Variants in SH3PXD2A observed in about 807,000 individuals in gnomAD.
The protein encoded by SH3PXD2A is SH3 and PX domain-containing protein 2A.
SH3PXD2A carries 32 observed loss-of-function variants against 115.2 expected under a neutral mutation model. The observed-to-expected ratio is 0.28, with a 90% CI of 0.21 to 0.37. The LOEUF (loss-of-function observed/expected upper bound fraction) is 0.37, where lower values mean the gene tolerates loss of function less well. SH3PXD2A is among the 10% of genes least tolerant of loss of function. SH3PXD2A has a pLI of 1.00. For synonymous variants in SH3PXD2A, 610 were observed against 629.1 expected, an observed-to-expected ratio of 0.97 and a Z score of 0.45; for missense variants, 1,328 against 1,498.7, an observed-to-expected ratio of 0.89 and a Z score of 1.88.
intron 6 of SH3PXD2A, among the ~76,000 whole-genome samples, chr10:103,669,535 A>T (rs562114131): frequency 2.0e-5 from 3 of 152,370 alleles, no homozygotes; most frequent in Non-Finnish European, 4.4e-5. Flanking sequence ...CCATGTCAAA[A>T]GCATTGATGC....
At chr10:103,822,573 T>C (rs993807887) in intron 1 of SH3PXD2A, among the ~76,000 whole-genome samples, 1 of 152,242 alleles carries the variant, frequency 6.6e-6, no homozygotes, top group Admixed American at 6.5e-5. Flanking sequence ...CTTTCATGCC[T>C]GTTAACGAGG....
intron 1 of SH3PXD2A, among the ~76,000 whole-genome samples, chr10:103,854,917 T>C (rs1486832233): frequency 6.6e-6 from 1 of 151,896 alleles, no homozygotes; most frequent in African/African-American, 2.4e-5. Flanking sequence ...CCACCATCCA[T>C]CAAAGGCGGA....
chr10:103,634,676 C>T (rs1411292137), intron 8 of SH3PXD2A, among the ~76,000 whole-genome samples: 1 of 152,144 alleles, frequency 6.6e-6, no homozygotes, highest in Admixed American at 6.5e-5. Flanking sequence ...TGTATGTGCA[C>T]ACCATGAGGA....
Position 103,660,999 on chromosome 10 carries a change from G to T in SH3PXD2A, c.588C>A (p.Ile196=), listed in dbSNP as rs1284957758. 1.9e-6 allele frequency: 3 copies of T among 1,613,908 alleles called. No individual in the cohort carries two copies. In the African/African-American group the frequency reaches 4.0e-5, roughly 22 times the overall value. The part of the protein sequence containing the change: ...SLQAGEVVDV[I]EKNESGWWFV... ...GGCACTCACCGCTCTCGTTCTTCTCGATGACATCCACCACCTCCCCGGCCT... is the reference window on the plus strand; with the variant it reads ...GGCACTCACCGCTCTCGTTCTTCTCTATGACATCCACCACCTCCCCGGCCT... Residue 196 remains isoleucine, a synonymous_variant, in exon 8 of 15, where the codon ATC becomes ATA. Transcript: ENST00000369774.
At chr10:103,607,179 C>G (rs556020069) in intron 13 of SH3PXD2A, among the ~76,000 whole-genome samples, 3 of 151,440 alleles carry the variant, frequency 2.0e-5, no homozygotes, top group Non-Finnish European at 3.0e-5. Flanking sequence ...CGCCTCTCCC[C>G]GGCCGCGACC....
chr10:103,824,622 G>T (rs573318747), intron 1 of SH3PXD2A, among the ~76,000 whole-genome samples: 32 of 152,068 alleles, frequency 2.1e-4, no homozygotes, highest in Non-Finnish European at 3.8e-4. Context: ...CATCCCCTCG[G>T]CTTGAGGATA....
chr10:103,842,088 A>G (rs7915350), intron 1 of SH3PXD2A, among the ~76,000 whole-genome samples: 127,869 of 146,606 alleles, frequency 0.87, 56,864 homozygotes, highest in East Asian at 0.99. Context: ...TCGCACCACT[A>G]CACTGCAGCC....
chr10:103,617,606 C>T (rs1232463277), intron 10 of SH3PXD2A, among the ~76,000 whole-genome samples: 2 of 152,206 alleles, frequency 1.3e-5, no homozygotes, highest in African/African-American at 2.4e-5. Context: ...CTGATAATGG[C>T]GGCCAGGCTG....
chr10:103,694,285 T>TG (rs768419752), intron 5 of SH3PXD2A, among the ~76,000 whole-genome samples: 1 of 149,104 alleles, frequency 6.7e-6, no homozygotes, highest in Non-Finnish European at 1.5e-5. Flanking sequence ...GGGTTGGGGG[T>TG]TTGGGGGGAT....
intron 4 of SH3PXD2A, among the ~76,000 whole-genome samples, chr10:103,730,520 A>G (rs2038304358): frequency 6.6e-6 from 1 of 152,074 alleles, no homozygotes; most frequent in Non-Finnish European, 1.5e-5. Context: ...CAGAGTATTC[A>G]AAACACATGG....
intron 1 of SH3PXD2A, among the ~76,000 whole-genome samples, chr10:103,804,384 T>C (rs1051363659): frequency 2.1e-5 from 3 of 139,772 alleles, no homozygotes; most frequent in Non-Finnish European, 3.0e-5. Flanking sequence ...TGCAGTGGCG[T>C]GATCTCGGCT....
chr10:103,754,430 C>G (rs1349001458), intron 3 of SH3PXD2A: 2 of 152,190 alleles, frequency 1.3e-5, no homozygotes, highest in Non-Finnish European at 2.9e-5. Flanking sequence ...GTTTTCCATC[C>G]TAACAGTACG....
At chr10:103,642,971 G>A (rs750782696) in intron 8 of SH3PXD2A, among the ~76,000 whole-genome samples, 1 of 152,066 alleles carries the variant, frequency 6.6e-6, no homozygotes, top group Non-Finnish European at 1.5e-5. Context: ...AAAATAAAAC[G>A]GGGACAATTT....
intron 2 of SH3PXD2A, among the ~76,000 whole-genome samples, chr10:103,789,860 T>C (rs887835272): frequency 2.0e-5 from 3 of 152,074 alleles, no homozygotes; most frequent in South Asian, 2.1e-4. Context: ...TGAACAGTCA[T>C]GAAGGTGGTG....
intron 14 of SH3PXD2A, 110 bp downstream of exon 14, chr10:103,605,688 C>T: frequency 1.5e-6 from 2 of 1,355,702 alleles, no homozygotes; most frequent in South Asian, 2.5e-5. Flanking sequence ...CTGTACCTTT[C>T]CTGCCTGCCT....
At chr10:103,647,379 C>T (rs1416395022) in intron 8 of SH3PXD2A, among the ~76,000 whole-genome samples, 1 of 152,152 alleles carries the variant, frequency 6.6e-6, no homozygotes, top group African/African-American at 2.4e-5. Flanking sequence ...CTTCAAGGGC[C>T]TTGAGGTGGT....
chr10:103,832,915 G>A (rs1315404591), intron 1 of SH3PXD2A, among the ~76,000 whole-genome samples: 4 of 151,956 alleles, frequency 2.6e-5, no homozygotes, highest in Non-Finnish European at 5.9e-5. Flanking sequence ...AATAGAAGTA[G>A]AACCACCAGG....
At chr10:103,719,625 C>A (rs1427811007) in intron 5 of SH3PXD2A, among the ~76,000 whole-genome samples, 1 of 151,746 alleles carries the variant, frequency 6.6e-6, no homozygotes, top group Non-Finnish European at 1.5e-5. Context: ...TGGGAGGGGC[C>A]AACAATAAAC....
At chr10:103,675,860 T>G (rs1197562984) in intron 6 of SH3PXD2A, among the ~76,000 whole-genome samples, 4 of 152,022 alleles carry the variant, frequency 2.6e-5, no homozygotes, top group Non-Finnish European at 5.9e-5. Context: ...CTGTCCAACA[T>G]GTTAAACCCC....
Sources: gnomAD v4.1 joint callset for allele counts (sites outside exome capture counted in the v4.1 genomes callset) on GRCh38, gnomAD v4.1.1 for gene constraint, MANE v1.5 for transcripts, NCBI Gene and HGNC (gene_info 2026-07-23, HGNC 2026-07-21) for gene names.